KCNMA1: variants seen among roughly 807,000 people sequenced by gnomAD.
KCNMA1 encodes potassium calcium-activated channel subfamily M alpha 1, also known as Calcium-activated potassium channel subunit alpha-1.
KCNMA1 carries 29 observed loss-of-function variants against 140.0 expected under a neutral mutation model. The ratio of observed to expected loss-of-function variants is 0.21; its 90% CI spans 0.15 to 0.28. KCNMA1 has a LOEUF of 0.28. Ranked by LOEUF, KCNMA1 falls within the 10% of genes least tolerant of loss-of-function variation. KCNMA1 has a pLI of 1.00. For missense variants in KCNMA1, 880 were observed against 1,602.2 expected (o/e 0.55, Z 7.70); for synonymous variants, 612 against 611.9 (o/e 1.00, Z 0.00).
At chr10:77,171,393 G>T (rs1329996022) in intron 5 of KCNMA1, among the ~76,000 whole-genome samples, 1 of 99,688 alleles carries the variant, frequency 1.0e-5, no homozygotes, top group East Asian at 4.1e-4. Context: ...GTGCGTGTGT[G>T]TGTGTGCGTG....
chr10:77,012,429 C>T lies in KCNMA1; in HGVS notation c.2016-386G>A, dbSNP rs1411970268. The T allele has an allele frequency of 3.2e-6, 5 of 1,548,244 alleles. No homozygotes were observed. In the South Asian group the frequency reaches 6.0e-5, roughly 18 times the overall value. ...GAAGTTAAATACAACACCAAAATTC[C>T]CACAGTCTGGTCAAATATATATTTG... On this transcript the variant is annotated intron_variant, in intron 17 of 27. Coordinates refer to ENST00000286628, the MANE Select transcript of KCNMA1 (RefSeq NM_001161352.2).
chr10:77,498,018 C>T (rs1340068180), intron 1 of KCNMA1, among the ~76,000 whole-genome samples: 5 of 152,098 alleles, frequency 3.3e-5, no homozygotes, highest in African/African-American at 1.2e-4. Flanking sequence ...ATCCAGTATG[C>T]CTGGAAAACC....
At chr10:77,089,604 A>C (rs2096769152) in intron 10 of KCNMA1, among the ~76,000 whole-genome samples, 2 of 152,362 alleles carry the variant, frequency 1.3e-5, no homozygotes, top group South Asian at 4.1e-4. Flanking sequence ...AGTGGATTAT[A>C]CAACCAAATA....
intron 20 of KCNMA1, among the ~76,000 whole-genome samples, chr10:76,964,292 C>T (rs1907744): frequency 0.24 from 36,694 of 151,994 alleles, 4,638 homozygotes; most frequent in East Asian, 0.47. Context: ...CTGCTGCCAC[C>T]TAAGATGTTA....
In KCNMA1 at chr10:77,455,807, G is replaced by A. The variant is rs187395765; in HGVS notation, c.379-51784C>T. ...CTCCCCCATCACTGCTGCACTGGGT[G>A]GAAATTGGGTCAGAGCTGGCCAGCC... On this transcript the variant is annotated intron_variant, in intron 1 of 27. Coordinates refer to ENST00000286628, the MANE Select transcript of KCNMA1 (RefSeq NM_001161352.2). 1.2e-3 allele frequency among the ~76,000 whole-genome samples: 189 copies of A among 152,276 alleles called. 1 individual carries two copies. Among genetic ancestry groups the A allele is most frequent in the African/African-American group, 4.4e-3 (184 of 41,564 alleles).
chr10:77,337,000 C>T (rs1174358121), intron 2 of KCNMA1, among the ~76,000 whole-genome samples: 1 of 152,192 alleles, frequency 6.6e-6, no homozygotes, highest in Non-Finnish European at 1.5e-5. Flanking sequence ...CCCACATCTC[C>T]CAATTCTAAC....
intron 1 of KCNMA1, among the ~76,000 whole-genome samples, chr10:77,519,634 G>A (rs1327603774): frequency 6.6e-6 from 1 of 152,102 alleles, no homozygotes; most frequent in Non-Finnish European, 1.5e-5. Flanking sequence ...CAACCCAAAG[G>A]CTGAATTACT....
chr10:77,366,750 C>T (rs376171199), intron 2 of KCNMA1, among the ~76,000 whole-genome samples: 1 of 152,174 alleles, frequency 6.6e-6, no homozygotes, highest in Admixed American at 6.5e-5. Context: ...TGGATGAACC[C>T]TATCTCCTGC....
At chr10:76,919,115 C>T (rs368874988) in intron 23 of KCNMA1, among the ~76,000 whole-genome samples, 3 of 152,150 alleles carry the variant, frequency 2.0e-5, no homozygotes, top group East Asian at 1.9e-4. Context: ...TATGGAGATG[C>T]AAAGGCATAA....
chr10:77,433,354 T>C (rs867655310), intron 1 of KCNMA1, among the ~76,000 whole-genome samples: 3 of 152,176 alleles, frequency 2.0e-5, no homozygotes, highest in Admixed American at 6.5e-5. Flanking sequence ...GGTTTCACCA[T>C]GTTGGTCAGG....
rs111237857 is a variant in KCNMA1 at position 77,305,370 on chromosome 10, G to A, written c.541-54114C>T. 5.4e-3 allele frequency among the ~76,000 whole-genome samples: 818 copies of A among 152,198 alleles called. 10 individuals are homozygous for A. Among genetic ancestry groups the A allele is most frequent in the African/African-American group, 0.019 (777 of 41,514 alleles). On this transcript the variant is annotated intron_variant, in intron 2 of 27. Transcript: ENST00000286628. ...TTCTTTATCTTTATAATCACCCTTT[G>A]AGGTTGAGGGCATGGGTCTCAACTT...
intron 14 of KCNMA1, among the ~76,000 whole-genome samples, chr10:77,055,409 C>T (rs559284332): frequency 1.3e-5 from 2 of 152,216 alleles, no homozygotes; most frequent in Non-Finnish European, 2.9e-5. Flanking sequence ...CTAACTAATG[C>T]GAGGTAACTC....
intron 14 of KCNMA1, among the ~76,000 whole-genome samples, chr10:77,050,810 A>C (rs1329637087): frequency 6.6e-6 from 1 of 152,204 alleles, no homozygotes; most frequent in East Asian, 1.9e-4. Context: ...AGCCTAAAGG[A>C]TTTGAACCAG....
chr10:77,079,264 C>A (rs2096492192), intron 13 of KCNMA1, among the ~76,000 whole-genome samples: 1 of 151,630 alleles, frequency 6.6e-6, no homozygotes, highest in Non-Finnish European at 1.5e-5. Context: ...GAGCAAGACT[C>A]CATCCCAAAA....
chr10:77,181,282 A>G (rs7082883), intron 5 of KCNMA1, among the ~76,000 whole-genome samples: 38,409 of 152,146 alleles, frequency 0.25, 5,088 homozygotes, highest in Middle Eastern at 0.31. Context: ...AGCACAGCTC[A>G]GTGAAGAAGG....
Position 76,953,809 on chromosome 10 carries a change from C to T in KCNMA1, c.2476G>A (p.Val826Ile). Reference sequence around the variant, plus strand: ...CACAGTCCCTCACTCACCAGGATGACTTTCTCTATCTCCTTGGGTGCACAC... The same window carrying T: ...CACAGTCCCTCACTCACCAGGATGATTTTCTCTATCTCCTTGGGTGCACAC... ...HWCAPKEIEK[V>I]ILTRSEAAMT... Residue 826 changes from valine to isoleucine, a missense_variant, in exon 21 of 28, where the codon GTC (valine) becomes ATC (isoleucine). Val to Ile is a conservative substitution (Grantham distance 29). Coordinates refer to ENST00000286628, the MANE Select transcript of KCNMA1 (RefSeq NM_001161352.2). The T allele has an allele frequency of 6.2e-7, 1 of 1,614,084 alleles. No individual in the cohort carries two copies. Among genetic ancestry groups the T allele is most frequent in the East Asian group, 2.2e-5 (1 of 44,872 alleles).
At chr10:77,338,697 T>C (rs1283810654) in intron 2 of KCNMA1, among the ~76,000 whole-genome samples, 2 of 152,218 alleles carry the variant, frequency 1.3e-5, no homozygotes, top group Non-Finnish European at 2.9e-5. Context: ...AGCTTGTTCA[T>C]CTGGGCAGGT....
chr10:77,351,272 C>T (rs912220972), intron 2 of KCNMA1, among the ~76,000 whole-genome samples: 2 of 152,132 alleles, frequency 1.3e-5, no homozygotes, highest in Non-Finnish European at 2.9e-5. Flanking sequence ...GTGACCCTTA[C>T]CAACGACAGA....
intron 2 of KCNMA1, among the ~76,000 whole-genome samples, chr10:77,400,627 A>G (rs1277224397): frequency 1.3e-5 from 2 of 152,224 alleles, no homozygotes; most frequent in East Asian, 3.8e-4. Flanking sequence ...TCAAAGCTGA[A>G]TGTTTTTAGA....
Sources: gnomAD v4.1 joint callset for allele counts (sites outside exome capture counted in the v4.1 genomes callset) on GRCh38, gnomAD v4.1.1 for gene constraint, MANE v1.5 for transcripts, NCBI Gene and HGNC (gene_info 2026-07-23, HGNC 2026-07-21) for gene names.